KCNH7: variants seen among roughly 807,000 people sequenced by gnomAD.
KCNH7 encodes the protein voltage-gated inwardly rectifying potassium channel KCNH7.
A neutral mutation model predicts 120.8 loss-of-function variants in KCNH7; 49 were observed. The observed-to-expected ratio is 0.41, with a 90% CI of 0.32 to 0.51. KCNH7 has a LOEUF of 0.51. Among genes scored for constraint, KCNH7 ranks in the 20% least tolerant of loss-of-function variants. The pLI, the probability that KCNH7 is intolerant of heterozygous loss-of-function variation, is 0.38. For missense variants in KCNH7, 1,097 were observed against 1,446.6 expected, an observed-to-expected ratio of 0.76 and a Z score of 3.92; for synonymous variants, 547 against 516.1, an observed-to-expected ratio of 1.06 and a Z score of -0.81.
At chr2:162,463,534 C>T (rs1424994217) in intron 6 of KCNH7, among the ~76,000 whole-genome samples, 3 of 152,022 alleles carry the variant, frequency 2.0e-5, no homozygotes, top group East Asian at 1.9e-4. Context: ...GTACCTTAAA[C>T]GACCCCACAT....
At chr2:162,743,442 T>C (rs1313442379) in intron 2 of KCNH7, among the ~76,000 whole-genome samples, 1 of 151,986 alleles carries the variant, frequency 6.6e-6, no homozygotes, top group Non-Finnish European at 1.5e-5. Context: ...ATTTTCAAAG[T>C]CAAAATTATA....
chr2:162,652,948 G>A (rs1053864414), intron 2 of KCNH7, among the ~76,000 whole-genome samples: 9 of 152,066 alleles, frequency 5.9e-5, no homozygotes, highest in African/African-American at 9.7e-5. Flanking sequence ...TTGAATTAAC[G>A]TAGCTGCAGA....
chr2:162,505,319 T>C (rs1690833276), intron 5 of KCNH7, among the ~76,000 whole-genome samples: 1 of 151,926 alleles, frequency 6.6e-6, no homozygotes, highest in Non-Finnish European at 1.5e-5. Context: ...TCCTTTTTTT[T>C]CTTTCACTTA....
chr2:162,714,749 G>T (rs12053231), intron 2 of KCNH7, among the ~76,000 whole-genome samples: 1 of 152,090 alleles, frequency 6.6e-6, no homozygotes, highest in Non-Finnish European at 1.5e-5. Context: ...GCTGTGTTCC[G>T]GTGAAACTTT....
chr2:162,414,590 G>A (rs1687486053), intron 9 of KCNH7, among the ~76,000 whole-genome samples: 1 of 151,706 alleles, frequency 6.6e-6, no homozygotes, highest in African/African-American at 2.4e-5. Flanking sequence ...ATGTTTTTTA[G>A]ATTAAATTAT....
intron 9 of KCNH7, among the ~76,000 whole-genome samples, chr2:162,406,143 C>T (rs924319920): frequency 2.6e-5 from 4 of 151,938 alleles, no homozygotes; most frequent in African/African-American, 7.2e-5. Context: ...CCAAAACACT[C>T]TTATGGTGGT....
At chr2:162,491,760 A>G (rs1690316371) in intron 6 of KCNH7, among the ~76,000 whole-genome samples, 1 of 152,134 alleles carries the variant, frequency 6.6e-6, no homozygotes, top group Non-Finnish European at 1.5e-5. Context: ...TACCCCAGGT[A>G]TTTGCTAGGA....
At chr2:162,648,238 G>A (rs1302907433) in intron 2 of KCNH7, among the ~76,000 whole-genome samples, 6 of 152,110 alleles carry the variant, frequency 3.9e-5, no homozygotes, top group Non-Finnish European at 8.8e-5. Flanking sequence ...AATCATGGTG[G>A]AAGGCAAAGG....
At chr2:162,372,204 T>A in intron 15 of KCNH7, 109 bp from the exon 16 acceptor site, 2 of 881,806 alleles carry the variant, frequency 2.3e-6, no homozygotes, top group Non-Finnish European at 3.4e-6. Context: ...AATCTATATT[T>A]GATTAGTGAT....
At chr2:162,640,864 A>G (rs1414988656) in intron 2 of KCNH7, among the ~76,000 whole-genome samples, 1 of 152,204 alleles carries the variant, frequency 6.6e-6, no homozygotes, top group East Asian at 1.9e-4. Flanking sequence ...TAGAAAATAG[A>G]TAAAAGTCAT....
chr2:162,452,341 T>C (rs1454543820), intron 6 of KCNH7, among the ~76,000 whole-genome samples: 1 of 152,074 alleles, frequency 6.6e-6, no homozygotes, highest in Admixed American at 6.6e-5. Context: ...AGTTTCCTGA[T>C]TGAAAAAAAG....
intron 2 of KCNH7, among the ~76,000 whole-genome samples, chr2:162,577,903 G>C (rs1693743177): frequency 6.6e-6 from 1 of 152,006 alleles, no homozygotes. Context: ...CTAGTGTCAG[G>C]CTCCTTCTAC....
intron 2 of KCNH7, among the ~76,000 whole-genome samples, chr2:162,613,669 AAAAC>A (rs144653517): frequency 2.0e-5 from 3 of 151,986 alleles, no homozygotes; most frequent in African/African-American, 4.8e-5. Context: ...GTATTGGGGC[AAAAC>A]AAACAAACAA....
At chr2:162,720,519 T>A (rs780341710) in intron 2 of KCNH7, among the ~76,000 whole-genome samples, 4 of 152,080 alleles carry the variant, frequency 2.6e-5, no homozygotes, top group Non-Finnish European at 5.9e-5. Flanking sequence ...TTTATACATA[T>A]GCAGGTTTAC....
chr2:162,371,555 C>A lies in KCNH7; in HGVS notation c.*274G>T. 1 of 872,698 alleles carries A rather than the reference C, an allele frequency of 1.1e-6. No individual in the cohort carries two copies. The highest frequency in any genetic ancestry group is 1.5e-6 in the Non-Finnish European group (1 of 651,006). 54.1% of individuals were successfully genotyped at this position (872,698 alleles called of 1,614,324 possible). On this transcript the variant is annotated 3_prime_UTR_variant, in exon 16 of 16. Coordinates refer to ENST00000332142, the MANE Select transcript of KCNH7 (RefSeq NM_033272.4). ...CTCCATGCAAGAGAAATTGGAGTTTCCTAACATGCATGTGATTTAAAAAAT... is the reference window on the plus strand; with the variant it reads ...CTCCATGCAAGAGAAATTGGAGTTTACTAACATGCATGTGATTTAAAAAAT...
chr2:162,654,091 A>G (rs901150897), intron 2 of KCNH7, among the ~76,000 whole-genome samples: 10 of 146,524 alleles, frequency 6.8e-5, no homozygotes, highest in African/African-American at 2.5e-4. Flanking sequence ...GTGAGCAATG[A>G]TTTTTTTTTT....
chr2:162,764,056 T>C (rs929678212), intron 2 of KCNH7, among the ~76,000 whole-genome samples: 3 of 152,102 alleles, frequency 2.0e-5, no homozygotes, highest in African/African-American at 4.8e-5. Flanking sequence ...CTTTAGTATT[T>C]CTTTCTTTCC....
chr2:162,523,278 A>C lies in KCNH7; in HGVS notation c.464-5120T>G, dbSNP rs575369162. 1.1e-4 allele frequency among the ~76,000 whole-genome samples: 17 copies of C among 151,968 alleles called. No homozygotes were observed. The South Asian group carries it at 3.1e-3, about 28-fold the overall frequency. On this transcript the variant is annotated intron_variant, in intron 3 of 15. Coordinates refer to ENST00000332142, the MANE Select transcript of KCNH7 (RefSeq NM_033272.4). ...TGCTTATGATTTCAGAAGTTGAATA[A>C]CTAACTCACCCTTCTCCCACCAAAG...
rs1400480309 is a variant in KCNH7, at chr2:162,655,163, T to C, written c.308-118083A>G. Among the ~76,000 whole-genome samples, 3 of 152,162 alleles carry C rather than the reference T, an allele frequency of 2.0e-5. No individual in the cohort carries two copies. In the East Asian group the frequency reaches 5.8e-4, roughly 29 times the overall value. On this transcript the variant is annotated intron_variant, in intron 2 of 15. Coordinates refer to ENST00000332142, the MANE Select transcript of KCNH7 (RefSeq NM_033272.4). Reference sequence around the variant, plus strand: ...AAGAAAAAATAGGTATGTGAAGTAATGCATACATTAATTAGCTTGAGTTAG... The same window carrying C: ...AAGAAAAAATAGGTATGTGAAGTAACGCATACATTAATTAGCTTGAGTTAG...
Sources: allele counts gnomAD v4.1 joint callset (sites outside exome capture counted in the v4.1 genomes callset), GRCh38; gene constraint gnomAD v4.1.1; transcripts MANE v1.5; gene names NCBI Gene and HGNC (gene_info 2026-07-23, HGNC 2026-07-21).